LSS: variants seen among roughly 807,000 people sequenced by gnomAD.
LSS encodes the protein lanosterol synthase, also known as 2,3-epoxysqualene-lanosterol cyclase.
A neutral mutation model predicts 110.3 loss-of-function variants in LSS; 90 were observed. The observed-to-expected ratio is 0.82, with a 90% CI of 0.69 to 0.97. LSS has a LOEUF of 0.97. Ranked by LOEUF, LSS falls within the 50% of genes least tolerant of loss-of-function variation. LSS has a pLI of 0.00. For synonymous variants in LSS, 433 were observed against 400.0 expected (o/e 1.08, Z -0.98); for missense variants, 927 against 990.0 (o/e 0.94, Z 0.85).
chr21:46,208,340 C>T (rs372295313), intron 13 of LSS, 39 bp from the exon 14 acceptor site: 246 of 1,525,998 alleles, frequency 1.6e-4, no homozygotes, highest in Non-Finnish European at 2.0e-4. Context: ...GCAGAGAACA[C>T]GTCACCACGG....
At chr21:46,196,612 A>G (rs1351054209) in intron 17 of LSS, among the ~76,000 whole-genome samples, 5 of 152,226 alleles carry the variant, frequency 3.3e-5, no homozygotes, top group African/African-American at 9.6e-5. Flanking sequence ...GAAAAAATCA[A>G]TTAGAGAGAA....
chr21:46,210,213 C>T (rs1026117374), intron 12 of LSS, among the ~76,000 whole-genome samples: 8 of 151,854 alleles, frequency 5.3e-5, no homozygotes, highest in Non-Finnish European at 4.4e-5. Flanking sequence ...TTACAGGTGC[C>T]CGCCACCACG....
intron 8 of LSS, 34 bp from the exon 9 acceptor site, chr21:46,215,332 C>T: frequency 7.0e-7 from 1 of 1,429,174 alleles, no homozygotes; most frequent in Non-Finnish European, 9.7e-7. Flanking sequence ...ATGCCAGACA[C>T]CATGACACTG....
In LSS at chr21:46,216,617, A is replaced by G. The variant is rs574946527; in HGVS notation, c.648-93T>C. ...ACCTTGGGCCCTTTCAAGCACGAACACTGGTGGATGGCTATTCCCCACCAC... is the reference window on the plus strand; with the variant it reads ...ACCTTGGGCCCTTTCAAGCACGAACGCTGGTGGATGGCTATTCCCCACCAC... On this transcript the variant is annotated intron_variant, in intron 6 of 21. Transcript: ENST00000397728. This position sits in a 1 kb window ranked among gnomAD's most constrained non-coding sequence, Gnocchi z 4.2. 5.6e-5 allele frequency: 79 copies of G among 1,406,990 alleles called. No homozygotes were observed. Among genetic ancestry groups the G allele is most frequent in the Middle Eastern group, 2.5e-4 (1 of 3,928 alleles). 87.2% of individuals were successfully genotyped at this position (1,406,990 alleles called of 1,614,324 possible).
chr21:46,222,060 G>A, intron 4 of LSS, 85 bp from the exon 5 acceptor site: 3 of 1,508,298 alleles, frequency 2.0e-6, no homozygotes, highest in Non-Finnish European at 2.7e-6. Flanking sequence ...AGTTTCCTCA[G>A]AAAACTAAGA....
intron 5 of LSS, among the ~76,000 whole-genome samples, chr21:46,219,988 A>G (rs2080254720): frequency 6.6e-6 from 1 of 152,180 alleles, no homozygotes; most frequent in African/African-American, 2.4e-5. Flanking sequence ...CCTCTGAGCC[A>G]AGCCTGAGCT....
At chr21:46,228,252 G>T (rs1326904323) in intron 2 of LSS, among the ~76,000 whole-genome samples, 182 bp downstream of exon 2, 1 of 152,248 alleles carries the variant, frequency 6.6e-6, no homozygotes, top group Non-Finnish European at 1.5e-5. Flanking sequence ...TCTCCTATGC[G>T]TGGTTTAGAG....
chr21:46,207,293 G>A (rs937667129), intron 15 of LSS, 135 bp downstream of exon 15: 5 of 1,094,726 alleles, frequency 4.6e-6, no homozygotes, highest in African/African-American at 3.1e-5. Flanking sequence ...TCCACATATA[G>A]ACACCATCCA....
In LSS at chr21:46,219,515, T is replaced by C. The variant is rs1698436598; in HGVS notation, c.608A>G (p.Tyr203Cys). The C allele has an allele frequency of 4.4e-6, 7 of 1,603,376 alleles. No individual in the cohort carries two copies. Among genetic ancestry groups the C allele is most frequent in the African/African-American group, 4.0e-5 (3 of 74,564 alleles). The stretch of plus-strand genomic sequence containing the variant: ...CAGGGTATTGAGGCCTTCCCAGCTG[T>C]AAACATTCAGGACAGCCAGCCAGAA... ...GKFWLAVLNVYSWEGLNTLFP... is the reference protein window; with the variant it reads ...GKFWLAVLNVCSWEGLNTLFP... The change falls in exon 6 of 22, where the codon TAC (tyrosine) becomes TGC (cysteine). Residue 203 changes from tyrosine (Y) to cysteine (C), a missense_variant. Coordinates refer to ENST00000397728, the MANE Select transcript of LSS (RefSeq NM_002340.6).
Position 46,216,493 on chromosome 21 carries a change from A to T in LSS, c.679T>A (p.Ser227Thr). The change falls in exon 7 of 22, where the codon TCC (serine) becomes ACC (threonine). Residue 227 changes from serine (S) to threonine (T), a missense_variant. Physicochemically the swap from Ser to Thr is moderately conservative, Grantham distance 58. Coordinates refer to ENST00000397728, the MANE Select transcript of LSS (RefSeq NM_002340.6). This position sits in a 1 kb window ranked among gnomAD's most constrained non-coding sequence, Gnocchi z 4.2. ...TGCCGGCAGTGGCACCAGAGTGTGG[A>T]GGGGTGTGCCGGTGCCCAGTCAGGA... ...LFPDWAPAHP[S>T]TLWCHCRQVY... 6.2e-7 allele frequency: 1 copy of T among 1,610,802 alleles called. No individual in the cohort carries two copies. Among genetic ancestry groups the T allele is most frequent in the Non-Finnish European group, 8.5e-7 (1 of 1,177,718 alleles).
Position 46,189,514 on chromosome 21 carries a change from GGA to G in LSS, c.*1588_*1589del, listed in dbSNP as rs754197806. On this transcript the variant is annotated 3_prime_UTR_variant, in exon 22 of 22. Transcript: ENST00000397728. ...CTCTGAGCAGGCAGGCGAGTCCCAA[GGA>G]GAGTCAGTGACAGCACATGGGGCAA... 28 of 376,260 alleles carry G rather than the reference GGA, an allele frequency of 7.4e-5. No individual in the cohort carries two copies. The highest frequency in any genetic ancestry group is 2.8e-4 in the Admixed American group (9 of 32,030). 23.3% of individuals were successfully genotyped at this position (376,260 alleles called of 1,614,324 possible).
rs903364744 is a variant in LSS, at chr21:46,222,673, G to T, written c.385C>A (p.Arg129=). 1 of 1,613,684 alleles carries T rather than the reference G, an allele frequency of 6.2e-7. No homozygotes were observed. The highest frequency in any genetic ancestry group is 8.5e-7 in the Non-Finnish European group (1 of 1,180,018). Residue 129 remains arginine, a synonymous_variant, in exon 4 of 22, where the codon CGG becomes AGG. Transcript: ENST00000397728. ...LPAGYREEIV[R]YLRSVQLPDG... Reference sequence around the variant, plus strand: ...GGGAGCTGCACTGACCGCAGGTACCGCACAATCTCTTCTCTGTATCCGGCT... The same window carrying T: ...GGGAGCTGCACTGACCGCAGGTACCTCACAATCTCTTCTCTGTATCCGGCT...
At chr21:46,223,244 A>G (rs952533230) in intron 3 of LSS, among the ~76,000 whole-genome samples, 2 of 152,198 alleles carry the variant, frequency 1.3e-5, no homozygotes, top group African/African-American at 2.4e-5. Context: ...GCCGCTTTGC[A>G]AATGTCAGGG....
Position 46,194,514 on chromosome 21 carries a change from G to C in LSS, c.1965C>G (p.Ala655=), listed in dbSNP as rs762084595. 103 of 1,613,638 alleles carry C rather than the reference G, an allele frequency of 6.4e-5. No homozygotes were observed. Among genetic ancestry groups the C allele is most frequent in the Non-Finnish European group, 8.5e-5 (100 of 1,180,030 alleles). Residue 655 remains alanine (A), a synonymous_variant, in exon 20 of 22, where the codon GCC becomes GCG. Coordinates refer to ENST00000397728, the MANE Select transcript of LSS (RefSeq NM_002340.6). ...ACCGAACGGCCATCAGCCCCATCATGGCCCAGCATGTGTTATGGATCTGGG... is the reference window on the plus strand; with the variant it reads ...ACCGAACGGCCATCAGCCCCATCATCGCCCAGCATGTGTTATGGATCTGGG... The part of the protein sequence containing the change: ...AQSQIHNTCW[A]MMGLMAVRHP...
chr21:46,227,808 T>C, intron 2 of LSS, 118 bp from the exon 3 acceptor site: 1 of 1,189,984 alleles, frequency 8.4e-7, no homozygotes, highest in Non-Finnish European at 1.2e-6. Context: ...CTTTAAAAGT[T>C]TCAGCTGTTT....
Position 46,213,830 on chromosome 21 carries a change from C to G in LSS, c.1017G>C (p.Ser339=). Residue 339 remains serine (S), a synonymous_variant, in exon 10 of 22, where the codon TCG becomes TCC. Transcript: ENST00000397728. ...AGCGCACAAGCATGTTGATGGTTTTCGAGATCTGCAGGAGAGACAGCCCTG... is the reference window on the plus strand; with the variant it reads ...AGCGCACAAGCATGTTGATGGTTTTGGAGATCTGCAGGAGAGACAGCCCTG... The part of the protein sequence containing the change: ...FTKSISIGPI[S]KTINMLVRWY... The G allele has an allele frequency of 6.2e-7, 1 of 1,613,114 alleles. No homozygotes were observed. The highest frequency in any genetic ancestry group is 8.5e-7 in the Non-Finnish European group (1 of 1,179,360).
chr21:46,224,710 T>C (rs1031024326), intron 3 of LSS: 3 of 152,178 alleles, frequency 2.0e-5, no homozygotes, highest in African/African-American at 7.2e-5. Context: ...CCCGATTCAG[T>C]GTTCACCAGA....
At position 46,228,566 on chromosome 21, in the gene LSS, G is replaced by C. The variant is rs1162021937; in HGVS notation, c.48C>G (p.Thr16=). ...CLRRRGGPYK[T]EPATDLGRWR... Reference sequence around the variant, plus strand: ...AGCGGCCGAGGTCGGTGGCGGGCTCGGTCTTGTAGGGGCCCCCTCGGCGCC... The same window carrying C: ...AGCGGCCGAGGTCGGTGGCGGGCTCCGTCTTGTAGGGGCCCCCTCGGCGCC... Residue 16 remains threonine (T), a synonymous_variant, in exon 2 of 22, where the codon ACC becomes ACG. Coordinates refer to ENST00000397728, the MANE Select transcript of LSS (RefSeq NM_002340.6). 4.4e-6 allele frequency: 7 copies of C among 1,593,724 alleles called. No homozygotes were observed. Among genetic ancestry groups the C allele is most frequent in the Admixed American group, 3.4e-5 (2 of 59,438 alleles).
chr21:46,202,799 C>T (rs1407446381), intron 17 of LSS, among the ~76,000 whole-genome samples: 4 of 152,170 alleles, frequency 2.6e-5, no homozygotes, highest in Admixed American at 6.5e-5. Context: ...ATTGCTTGAG[C>T]CCGGAAGTTT....
Sources: gnomAD v4.1 joint callset for allele counts (sites outside exome capture counted in the v4.1 genomes callset) on GRCh38, gnomAD v4.1.1 for gene constraint, Gnocchi (gnomAD v3.1) non-coding constraint, MANE v1.5 for transcripts, NCBI Gene and HGNC (gene_info 2026-07-23, HGNC 2026-07-21) for gene names.